Variants in REV3L observed in about 807,000 individuals in gnomAD.
REV3L encodes the protein DNA polymerase zeta catalytic subunit.
A neutral mutation model predicts 299.4 loss-of-function variants in REV3L; 69 were observed. The ratio of observed to expected loss-of-function variants is 0.23; its 90% CI spans 0.19 to 0.28. The LOEUF (loss-of-function observed/expected upper bound fraction) is 0.28. Ranked by LOEUF, REV3L falls within the 10% of genes least tolerant of loss-of-function variation. The pLI is 1.00. For missense variants in REV3L, 3,128 were observed against 3,693.8 expected, an observed-to-expected ratio of 0.85 and a Z score of 3.97; for synonymous variants, 1,238 against 1,271.4, an observed-to-expected ratio of 0.97 and a Z score of 0.56.
intron 26 of REV3L, among the ~76,000 whole-genome samples, chr6:111,320,774 C>A (rs1035125881): frequency 1.3e-5 from 2 of 152,096 alleles, no homozygotes; most frequent in African/African-American, 4.8e-5. Context: ...CACAGCCTCC[C>A]AAGCAGCTAG....
chr6:111,457,857 G>A (rs1450109850), intron 1 of REV3L, among the ~76,000 whole-genome samples: 1 of 151,660 alleles, frequency 6.6e-6, no homozygotes, highest in Non-Finnish European at 1.5e-5. Flanking sequence ...AAAACTCAGA[G>A]AAGACCAAAC....
At chr6:111,369,001 C>G (rs998870453) in intron 13 of REV3L, among the ~76,000 whole-genome samples, 1 of 152,114 alleles carries the variant, frequency 6.6e-6, no homozygotes. Flanking sequence ...CTAGTTAACT[C>G]CATAACCAGC....
chr6:111,366,116 T>C (rs1373909761), intron 14 of REV3L, among the ~76,000 whole-genome samples: 1 of 152,190 alleles, frequency 6.6e-6, no homozygotes, highest in East Asian at 1.9e-4. Flanking sequence ...TAAGAAATGA[T>C]GGCACTATTC....
rs61756664 is a variant in REV3L, at chr6:111,376,680, T to G, written c.1675A>C (p.Ile559Leu). 1.9e-6 allele frequency: 3 copies of G among 1,609,856 alleles called. No individual in the cohort carries two copies. The African/African-American group carries it at 4.0e-5, about 21-fold the overall frequency. ...AATGTAGCAGCATCTTTGTGAAAGA[T>G]GGAGGGTTTAACTGAAAGCTTGCTT... ...ATSKLSVKPS[I>L]FHKDAATLEP... The change falls in exon 13 of 32, where the codon ATC (isoleucine) becomes CTC (leucine). Residue 559 changes from isoleucine (I) to leucine (L), a missense_variant. Coordinates refer to ENST00000368802, the MANE Select transcript of REV3L (RefSeq NM_001372078.1).
chr6:111,363,666 CTTTAAG>C (rs1040712067), intron 16 of REV3L, among the ~76,000 whole-genome samples, 181 bp downstream of exon 16: 5 of 151,918 alleles, frequency 3.3e-5, no homozygotes, highest in Admixed American at 2.0e-4. Context: ...AACTTAAATG[CTTTAAG>C]TTTATGTATT....
At chr6:111,361,660 G>C (rs79372101) in intron 16 of REV3L, 3,733 of 152,060 alleles carry the variant, frequency 0.025, 60 homozygotes, top group Admixed American at 0.065. Context: ...AGTGTGACTA[G>C]GCAAGAGGCA....
At chr6:111,477,125 CAT>C (rs991972189) in intron 1 of REV3L, among the ~76,000 whole-genome samples, 15 of 152,168 alleles carry the variant, frequency 9.9e-5, no homozygotes, top group Admixed American at 2.0e-4. Flanking sequence ...ACTTCTACAA[CAT>C]GTTTTAAACA....
intron 1 of REV3L, among the ~76,000 whole-genome samples, chr6:111,481,957 T>A (rs1319799310): frequency 6.6e-6 from 1 of 152,156 alleles, no homozygotes; most frequent in East Asian, 1.9e-4. Flanking sequence ...CTAGGAGCAT[T>A]TCAAAATGTC....
chr6:111,373,224 TATG>T lies in REV3L; in HGVS notation c.5128_5130del (p.His1710del). ...CTAATCCATGAGGCTGAGTCTGTGGTATGATGCTTGTCTTCATCACATTTCTGG... is the reference window on the plus strand; with the variant it reads ...CTAATCCATGAGGCTGAGTCTGTGGTATGCTTGTCTTCATCACATTTCTGG... On this transcript the variant is annotated inframe_deletion, in exon 13 of 32. Transcript: ENST00000368802. The T allele has an allele frequency of 6.2e-7, 1 of 1,614,164 alleles. No homozygotes were observed. The highest frequency in any genetic ancestry group is 8.5e-7 in the Non-Finnish European group (1 of 1,180,018).
intron 1 of REV3L, among the ~76,000 whole-genome samples, chr6:111,475,242 T>C (rs971565367): frequency 1.3e-5 from 2 of 152,178 alleles, no homozygotes; most frequent in African/African-American, 4.8e-5. Context: ...ATATACACCA[T>C]AATTCACCTA....
In REV3L at chr6:111,300,066, T is replaced by C; in HGVS notation, c.9343A>G (p.Arg3115Gly). Reference protein sequence around the residue: ...PVLFKLSRVNRELSKAPYLRQ... With the variant: ...PVLFKLSRVNGELSKAPYLRQ... ...AGATATGGTGCCTTGGACAATTCTCTATTTACTCGGGAGAGTTTGAAAAGT... is the reference window on the plus strand; with the variant it reads ...AGATATGGTGCCTTGGACAATTCTCCATTTACTCGGGAGAGTTTGAAAAGT... Residue 3115 changes from arginine (R) to glycine (G), a missense_variant, in exon 32 of 32, where the codon AGA becomes GGA. Arg to Gly is a moderately radical substitution (Grantham distance 125). Around this residue, in one of 9 missense-constraint regions of REV3L, gnomAD observed 294 missense variants for 377.0 expected, o/e 0.78. Coordinates refer to ENST00000368802, the MANE Select transcript of REV3L (RefSeq NM_001372078.1). 1 of 1,613,816 alleles carries C rather than the reference T, an allele frequency of 6.2e-7. No homozygotes were observed. The highest frequency in any genetic ancestry group is 1.1e-5 in the South Asian group (1 of 91,018).
intron 1 of REV3L, chr6:111,431,098 T>G: frequency 6.7e-7 from 1 of 1,503,336 alleles, no homozygotes; most frequent in East Asian, 2.3e-5. Flanking sequence ...CAAGAATGAT[T>G]CTGATTTAAT....
At chr6:111,403,848 T>A (rs1414838491) in intron 4 of REV3L, among the ~76,000 whole-genome samples, 3 of 152,186 alleles carry the variant, frequency 2.0e-5, no homozygotes. Context: ...TTGTGCCAGT[T>A]AGCCAAGTAG....
chr6:111,334,111 G>T (rs1314535706), intron 22 of REV3L, among the ~76,000 whole-genome samples: 2 of 152,032 alleles, frequency 1.3e-5, no homozygotes, highest in Non-Finnish European at 1.5e-5. Flanking sequence ...GCTAATTTTT[G>T]TATTTTTAGT....
At chr6:111,477,857 C>G (rs549794699) in intron 1 of REV3L, among the ~76,000 whole-genome samples, 14 of 152,208 alleles carry the variant, frequency 9.2e-5, no homozygotes, top group Middle Eastern at 3.4e-3. Flanking sequence ...TGGGATAAAC[C>G]AAGATTAGGA....
chr6:111,389,125 C>T lies in REV3L; in HGVS notation c.843G>A (p.Met281Ile), dbSNP rs368368888. 2.5e-5 allele frequency: 41 copies of T among 1,613,696 alleles called. No individual in the cohort carries two copies. The highest frequency in any genetic ancestry group is 3.2e-5 in the Non-Finnish European group (38 of 1,179,780). Reference sequence around the variant, plus strand: ...TTATACCTTGTGACTCAGGTTGGCTCATTTGAGAAGTTTCATTTCTGTTTC... The same window carrying T: ...TTATACCTTGTGACTCAGGTTGGCTTATTTGAGAAGTTTCATTTCTGTTTC... Reference protein sequence around the residue: ...RRRNRNETSQMSQPESQDHRF... With the variant: ...RRRNRNETSQISQPESQDHRF... Residue 281 changes from methionine (M) to isoleucine (I), a missense_variant, in exon 7 of 32, where the codon ATG becomes ATA. Met to Ile is a conservative substitution (Grantham distance 10, BLOSUM62 1). Coordinates refer to ENST00000368802, the MANE Select transcript of REV3L (RefSeq NM_001372078.1).
chr6:111,442,838 A>AT (rs1242265538), intron 1 of REV3L, among the ~76,000 whole-genome samples: 3 of 152,028 alleles, frequency 2.0e-5, no homozygotes, highest in African/African-American at 4.8e-5. Context: ...TGCTTTAAAG[A>AT]TTTTTATTAA....
intron 1 of REV3L, among the ~76,000 whole-genome samples, chr6:111,447,447 A>T (rs1473603600): frequency 1.3e-5 from 2 of 152,222 alleles, no homozygotes; most frequent in Admixed American, 1.3e-4. Flanking sequence ...GACTCTAAGG[A>T]AAGTAATTTA....
At chr6:111,464,029 T>C (rs1034427542) in intron 1 of REV3L, among the ~76,000 whole-genome samples, 2 of 152,126 alleles carry the variant, frequency 1.3e-5, no homozygotes, top group African/African-American at 4.8e-5. Context: ...CCATCACTGA[T>C]TAAATCACTA....
Sources: allele counts gnomAD v4.1 joint callset (sites outside exome capture counted in the v4.1 genomes callset), GRCh38; gene constraint gnomAD v4.1.1; regional missense constraint gnomAD v4.1.1; transcripts MANE v1.5; gene names NCBI Gene and HGNC (gene_info 2026-07-23, HGNC 2026-07-21).